CEP15: variants seen among roughly 807,000 people sequenced by gnomAD.
The protein encoded by CEP15 is centrosomal protein 15, also known as centrosomal protein 15 kDa.
the CEP15 span, among the ~76,000 whole-genome samples, chr3:62,328,413 G>A: frequency 6.6e-6 from 1 of 152,152 alleles, no homozygotes; most frequent in Non-Finnish European, 1.5e-5. Flanking sequence ...GGGGTGTCCA[G>A]TCAATACTGT....
At chr3:62,320,540 G>A in the CEP15 span, 7 of 1,595,234 alleles carry the variant, frequency 4.4e-6, no homozygotes, top group Non-Finnish European at 6.0e-6. Flanking sequence ...TTTTTTTAAA[G>A]GGATGATTCA....
the CEP15 span, among the ~76,000 whole-genome samples, chr3:62,321,109 C>A: frequency 6.6e-6 from 1 of 152,156 alleles, no homozygotes; most frequent in Non-Finnish European, 1.5e-5. The surrounding 1 kb of genome is among the most constrained non-coding windows in gnomAD (Gnocchi z 4.1). Flanking sequence ...TTAAGACAGC[C>A]TGATGAAACA....
the CEP15 span, chr3:62,322,037 A>C: frequency 6.2e-7 from 1 of 1,606,102 alleles, no homozygotes; most frequent in Admixed American, 1.7e-5. The surrounding 1 kb of genome is among the most constrained non-coding windows in gnomAD (Gnocchi z 5.5). Flanking sequence ...TTTAAAAGGA[A>C]CCTTAGTCTT....
At chr3:62,333,385 G>A in the CEP15 span, 9 of 1,609,362 alleles carry the variant, frequency 5.6e-6, no homozygotes, top group African/African-American at 4.0e-5. This position sits in a 1 kb window ranked among gnomAD's most constrained non-coding sequence, Gnocchi z 4.0. Flanking sequence ...GAGGCACAGC[G>A]ATAACTTCTT....
the CEP15 span, among the ~76,000 whole-genome samples, chr3:62,322,732 CT>C: frequency 6.6e-6 from 1 of 152,176 alleles, no homozygotes; most frequent in East Asian, 1.9e-4. The surrounding 1 kb of genome is among the most constrained non-coding windows in gnomAD (Gnocchi z 5.5). Flanking sequence ...GATCCTATGA[CT>C]AAAACATTTG....
the CEP15 span, among the ~76,000 whole-genome samples, chr3:62,323,732 T>G: frequency 6.6e-6 from 1 of 152,172 alleles, no homozygotes; most frequent in South Asian, 2.1e-4. Flanking sequence ...GGTTTCATAG[T>G]TATGAGAAAC....
the CEP15 span, chr3:62,333,433 A>G: frequency 2.5e-6 from 4 of 1,593,988 alleles, 1 homozygote; most frequent in Non-Finnish European, 3.4e-6. This position sits in a 1 kb window ranked among gnomAD's most constrained non-coding sequence, Gnocchi z 4.0. Context: ...ATAAAGCTGA[A>G]TGTTAAGGTG....
the CEP15 span, chr3:62,320,568 G>C: frequency 2.7e-6 from 4 of 1,476,568 alleles, no homozygotes; most frequent in East Asian, 4.5e-5. Context: ...AAATTGGACT[G>C]GCTTTGTTAG....
chr3:62,325,990 C>T, the CEP15 span, among the ~76,000 whole-genome samples: 1 of 148,074 alleles, frequency 6.8e-6, no homozygotes, highest in Non-Finnish European at 1.5e-5. Flanking sequence ...TGCCACTGCA[C>T]TCCAGCCTGG....
chr3:62,319,314 A>G, the CEP15 span: 1 of 152,224 alleles, frequency 6.6e-6, no homozygotes, highest in Admixed American at 6.5e-5. Flanking sequence ...AAAAGTTACC[A>G]TGAACCGACT....
the CEP15 span, among the ~76,000 whole-genome samples, chr3:62,320,826 T>G: frequency 6.6e-6 from 1 of 152,192 alleles, no homozygotes; most frequent in Non-Finnish European, 1.5e-5. Context: ...CAGGGCTGGC[T>G]TCTTGGGTAT....
the CEP15 span, chr3:62,331,282 T>C: frequency 6.4e-7 from 1 of 1,571,784 alleles, no homozygotes; most frequent in Non-Finnish European, 8.7e-7. Flanking sequence ...CCATTTGTTT[T>C]ATGTAAATCC....
the CEP15 span, among the ~76,000 whole-genome samples, chr3:62,326,318 A>C: frequency 1.3e-5 from 2 of 152,198 alleles, no homozygotes; most frequent in African/African-American, 2.4e-5. Context: ...ATAAATGCTT[A>C]CATTGTACCA....
chr3:62,319,778 C>CT, the CEP15 span: 1 of 152,246 alleles, frequency 6.6e-6, no homozygotes, highest in Admixed American at 6.5e-5. Context: ...TTTTGGAGGC[C>CT]TTCAGAGCAT....
the CEP15 span, chr3:62,333,507 G>T: frequency 2.6e-6 from 3 of 1,156,260 alleles, no homozygotes; most frequent in Non-Finnish European, 3.6e-6. This position sits in a 1 kb window ranked among gnomAD's most constrained non-coding sequence, Gnocchi z 4.0. Context: ...TATCTCCTAA[G>T]TGACAGTGAA....
the CEP15 span, among the ~76,000 whole-genome samples, chr3:62,330,807 G>C: frequency 6.6e-6 from 1 of 152,034 alleles, no homozygotes; most frequent in African/African-American, 2.4e-5. Context: ...TGTAATATTT[G>C]CATATATATA....
chr3:62,326,686 G>T, the CEP15 span, among the ~76,000 whole-genome samples: 1 of 152,170 alleles, frequency 6.6e-6, no homozygotes, highest in Non-Finnish European at 1.5e-5. Context: ...GGGAATGGAA[G>T]AATGTACTTG....
the CEP15 span, among the ~76,000 whole-genome samples, chr3:62,323,342 G>T: frequency 6.6e-6 from 1 of 152,162 alleles, no homozygotes; most frequent in Non-Finnish European, 1.5e-5. Context: ...TCTCAGAGAA[G>T]AAGCTAAGCC....
At chr3:62,335,747 T>A in the CEP15 span, 1 of 152,110 alleles carries the variant, frequency 6.6e-6, no homozygotes, top group African/African-American at 2.4e-5. Context: ...GGTTTTTTTT[T>A]AGAAAAATGG....
Sources: allele counts gnomAD v4.1 joint callset (sites outside exome capture counted in the v4.1 genomes callset), GRCh38; gene constraint gnomAD v4.1.1; non-coding constraint Gnocchi (gnomAD v3.1); transcripts MANE v1.5; gene names NCBI Gene and HGNC (gene_info 2026-07-23, HGNC 2026-07-21).